UBTD2: variants seen among roughly 807,000 people sequenced by gnomAD.
UBTD2 encodes the protein ubiquitin domain containing 2.
A neutral mutation model predicts 19.8 loss-of-function variants in UBTD2; 9 were observed. The ratio of observed to expected loss-of-function variants is 0.46; its 90% CI spans 0.27 to 0.79. The LOEUF (loss-of-function observed/expected upper bound fraction) is 0.79, where lower values mean the gene tolerates loss of function less well. Among genes scored for constraint, UBTD2 ranks in the 30% least tolerant of loss-of-function variants. The pLI, the probability that UBTD2 is intolerant of heterozygous loss-of-function variation, is 0.14. For synonymous variants in UBTD2, 98 were observed against 103.9 expected (o/e 0.94, Z 0.35); for missense variants, 250 against 300.4 (o/e 0.83, Z 1.24).
At chr5:172,277,075 A>G (rs768590267) in intron 1 of UBTD2, among the ~76,000 whole-genome samples, 3,720 of 127,174 alleles carry the variant, frequency 0.029, 24 homozygotes, top group African/African-American at 0.045. Context: ...CTCAAAAAAA[A>G]AAAAAAAAAA....
Position 172,251,870 on chromosome 5 carries a change from T to C in UBTD2, c.71-17512A>G, listed in dbSNP as rs78131156. ...TTCAGAATACAGATGGTTCCTGAAG[T>C]ATAGGGTATAACTGACTTTGCAAAT... On this transcript the variant is annotated intron_variant, in intron 1 of 2. Coordinates refer to ENST00000393792, the MANE Select transcript of UBTD2 (RefSeq NM_152277.3). Among the ~76,000 whole-genome samples the C allele has an allele frequency of 6.7e-3, 1,021 of 152,290 alleles. 13 individuals are homozygous for C. The highest frequency in any genetic ancestry group is 0.023 in the African/African-American group (956 of 41,540).
chr5:172,267,755 C>T lies in UBTD2; in HGVS notation c.70+15841G>A, dbSNP rs189254416. Among the ~76,000 whole-genome samples, 10 of 152,102 alleles carry T rather than the reference C, an allele frequency of 6.6e-5. No individual in the cohort carries two copies. In the East Asian group the frequency reaches 1.7e-3, roughly 26 times the overall value. On this transcript the variant is annotated intron_variant, in intron 1 of 2. Transcript: ENST00000393792. Reference sequence around the variant, plus strand: ...AAATAAAATATAAAGAAATCAAATGCTGAGGCTATGTTAGTGTTCAATGTC... The same window carrying T: ...AAATAAAATATAAAGAAATCAAATGTTGAGGCTATGTTAGTGTTCAATGTC...
intron 1 of UBTD2, among the ~76,000 whole-genome samples, chr5:172,237,873 C>T (rs907902495): frequency 1.3e-5 from 2 of 152,170 alleles, no homozygotes; most frequent in African/African-American, 4.8e-5. Flanking sequence ...AGTCCTTTGG[C>T]AAAAATATAC....
chr5:172,219,651 CAAAT>C (rs761905561), intron 2 of UBTD2, among the ~76,000 whole-genome samples: 2 of 152,016 alleles, frequency 1.3e-5, no homozygotes, highest in Non-Finnish European at 2.9e-5. Context: ...TGGAGGTTCT[CAAAT>C]AAATAAAGAA....
At chr5:172,214,141 C>A (rs1462131057) in intron 2 of UBTD2, among the ~76,000 whole-genome samples, 2 of 152,202 alleles carry the variant, frequency 1.3e-5, no homozygotes, top group African/African-American at 4.8e-5. Context: ...TTTCCCCAAA[C>A]TAGAATATGG....
intron 2 of UBTD2, among the ~76,000 whole-genome samples, chr5:172,223,617 A>AAAAAAAAAAAAAAAAAAAAAAAAAAAG (rs1561850764): frequency 7.7e-6 from 1 of 129,282 alleles, no homozygotes; most frequent in African/African-American, 3.0e-5. Context: ...AAAAAAAAAA[A>AAAAAAAAAAAAAAAAAAAAAAAAAAAG]GCACACTTAG....
intron 1 of UBTD2, among the ~76,000 whole-genome samples, chr5:172,276,753 G>A (rs1755611939): frequency 6.6e-6 from 1 of 151,828 alleles, no homozygotes; most frequent in South Asian, 2.1e-4. Flanking sequence ...GAGAAGGGAG[G>A]GAGGGAAGGA....
chr5:172,276,768 G>A (rs1158314490), intron 1 of UBTD2, among the ~76,000 whole-genome samples: 1 of 151,490 alleles, frequency 6.6e-6, no homozygotes, highest in Non-Finnish European at 1.5e-5. Context: ...GAAGGAAGAA[G>A]ACAAAAAAAG....
At chr5:172,216,623 A>G (rs954500026) in intron 2 of UBTD2, among the ~76,000 whole-genome samples, 1 of 135,066 alleles carries the variant, frequency 7.4e-6, no homozygotes, top group East Asian at 2.3e-4. Flanking sequence ...AAAAAAAGCC[A>G]GAGGGGGGAA....
rs974682893 is a variant in UBTD2 at position 172,209,778 on chromosome 5, G to A, written c.*2052C>T. The A allele has an allele frequency of 6.6e-6, 1 of 151,860 alleles. No homozygotes were observed. Among genetic ancestry groups the A allele is most frequent in the Non-Finnish European group, 1.5e-5 (1 of 67,920 alleles). The allele number at this position is 151,860 out of a possible 1,614,324, so 9.4% of individuals were successfully genotyped here. ...ACAGCACCATGGTTTTCCCACCTAG[G>A]TTAGTTAAACATGCCCAGAGAATTG... On this transcript the variant is annotated 3_prime_UTR_variant, in exon 3 of 3. Transcript: ENST00000393792.
At chr5:172,250,199 C>T (rs549892560) in intron 1 of UBTD2, among the ~76,000 whole-genome samples, 33 of 152,052 alleles carry the variant, frequency 2.2e-4, no homozygotes, top group African/African-American at 6.3e-4. Flanking sequence ...CTCCATGCAA[C>T]CCAGCCTGGG....
intron 1 of UBTD2, among the ~76,000 whole-genome samples, chr5:172,271,035 C>A (rs1755477944): frequency 6.6e-6 from 1 of 152,140 alleles, no homozygotes; most frequent in Non-Finnish European, 1.5e-5. Flanking sequence ...TCTTAGCAAT[C>A]CCCCTAAATG....
intron 1 of UBTD2, among the ~76,000 whole-genome samples, chr5:172,272,536 G>A (rs1251940739): frequency 6.6e-6 from 1 of 152,172 alleles, no homozygotes; most frequent in African/African-American, 2.4e-5. Context: ...ATCATGTCCG[G>A]TTAATTTGAT....
At chr5:172,262,468 A>AAAAAAAAAAAAAT (rs763651049) in intron 1 of UBTD2, among the ~76,000 whole-genome samples, 2 of 143,114 alleles carry the variant, frequency 1.4e-5, no homozygotes, top group Admixed American at 7.1e-5. Flanking sequence ...AAAAAAAAAA[A>AAAAAAAAAAAAAT]CAAGAAAATG....
chr5:172,219,123 G>T (rs1198792158), intron 2 of UBTD2, among the ~76,000 whole-genome samples: 1 of 152,158 alleles, frequency 6.6e-6, no homozygotes, highest in African/African-American at 2.4e-5. Context: ...ATCTATTAAA[G>T]AAATTGAATC....
rs1205284287 is a variant in UBTD2 at position 172,218,791 on chromosome 5, A to T, written c.308-6564T>A. Among the ~76,000 whole-genome samples, 10 of 68,906 alleles carry T rather than the reference A, an allele frequency of 1.5e-4. No homozygotes were observed. The East Asian group carries it at 2.8e-3, about 19-fold the overall frequency. The allele number at this position is 68,906 out of a possible 152,430, so 45.2% of individuals were successfully genotyped here. A position where few individuals can be genotyped will look rare whatever the true frequency, so the allele number is the denominator to read the frequency against. On this transcript the variant is annotated intron_variant, in intron 2 of 2. Transcript: ENST00000393792. ...CCCTGTCACCAAAAAAAAAAAAAAT[A>T]AAAAAATAAAAAAAAAAATAAAAAA...
At chr5:172,248,773 A>T (rs1754932627) in intron 1 of UBTD2, among the ~76,000 whole-genome samples, 1 of 151,766 alleles carries the variant, frequency 6.6e-6, no homozygotes, top group African/African-American at 2.4e-5. Context: ...AAAAAAAAAA[A>T]AAATTAATTA....
At chr5:172,255,593 C>A (rs1048843417) in intron 1 of UBTD2, among the ~76,000 whole-genome samples, 11 of 152,058 alleles carry the variant, frequency 7.2e-5, no homozygotes, top group African/African-American at 1.7e-4. Context: ...GGGACAAGGA[C>A]GGGAGCGCAT....
intron 1 of UBTD2, among the ~76,000 whole-genome samples, chr5:172,240,925 T>G (rs1425406106): frequency 6.6e-6 from 1 of 152,110 alleles, no homozygotes; most frequent in East Asian, 1.9e-4. Context: ...GTCTCTATCA[T>G]AAATACATAT....
Sources: gnomAD v4.1 joint callset for allele counts (sites outside exome capture counted in the v4.1 genomes callset) on GRCh38, gnomAD v4.1.1 for gene constraint, MANE v1.5 for transcripts, NCBI Gene and HGNC (gene_info 2026-07-23, HGNC 2026-07-21) for gene names.